Variants in RALYL observed in about 807,000 individuals in gnomAD.
The protein encoded by RALYL is RALY RNA binding protein like.
RALYL carries 29 observed loss-of-function variants against 35.1 expected under a neutral mutation model. The ratio of observed to expected loss-of-function variants is 0.83; its 90% CI spans 0.61 to 1.13. RALYL has a LOEUF of 1.13. Ranked by LOEUF, RALYL falls within the 50% of genes most tolerant of loss-of-function variation. RALYL has a pLI of 0.00. For missense variants in RALYL, 359 were observed against 360.4 expected, an observed-to-expected ratio of 1.00 and a Z score of 0.03; for synonymous variants, 120 against 127.6, an observed-to-expected ratio of 0.94 and a Z score of 0.40.
chr8:84,492,642 A>G (rs2055470971), intron 1 of RALYL, among the ~76,000 whole-genome samples: 1 of 152,112 alleles, frequency 6.6e-6, no homozygotes, highest in Non-Finnish European at 1.5e-5. Context: ...TTTCAAATGC[A>G]ACTATCTCCA....
intron 1 of RALYL, among the ~76,000 whole-genome samples, chr8:84,334,619 A>C (rs2130769748): frequency 6.6e-6 from 1 of 152,064 alleles, no homozygotes; most frequent in Admixed American, 6.6e-5. Context: ...AAGAAGTTTA[A>C]CCTACAGTGT....
At chr8:84,903,886 G>A (rs1291589415) in intron 8 of RALYL, among the ~76,000 whole-genome samples, 1 of 152,104 alleles carries the variant, frequency 6.6e-6, no homozygotes, top group African/African-American at 2.4e-5. Flanking sequence ...AATTAGTCTA[G>A]ATATGTGTTT....
chr8:84,755,949 A>G (rs1446282421), intron 2 of RALYL, among the ~76,000 whole-genome samples: 1 of 152,062 alleles, frequency 6.6e-6, no homozygotes, highest in East Asian at 1.9e-4. Flanking sequence ...TCAAAGACAG[A>G]GTTTTAAATC....
At chr8:84,508,237 A>G (rs1036507259) in intron 1 of RALYL, among the ~76,000 whole-genome samples, 6 of 152,088 alleles carry the variant, frequency 3.9e-5, no homozygotes, top group Non-Finnish European at 8.8e-5. Flanking sequence ...AAACAGGATA[A>G]ACACTCATCC....
Position 84,420,105 on chromosome 8 carries a change from C to A in RALYL, c.-23-109194C>A, listed in dbSNP as rs528196289. Among the ~76,000 whole-genome samples, 8 of 151,668 alleles carry A rather than the reference C, an allele frequency of 5.3e-5. No homozygotes were observed. In the East Asian group the frequency reaches 1.4e-3, roughly 26 times the overall value. ...CAAATGGTATTTGTAGTTCTAGATCCCTGAGGAATCGCCACACTGACTTCC... is the reference window on the plus strand; with the variant it reads ...CAAATGGTATTTGTAGTTCTAGATCACTGAGGAATCGCCACACTGACTTCC... On this transcript the variant is annotated intron_variant, in intron 1 of 8. Transcript: ENST00000521268.
chr8:84,832,295 C>T (rs970007726), intron 4 of RALYL, among the ~76,000 whole-genome samples: 9 of 151,976 alleles, frequency 5.9e-5, no homozygotes, highest in African/African-American at 1.2e-4. Context: ...TTCCAGATTA[C>T]GTTGATAGAT....
At chr8:84,649,330 G>C (rs952420919) in intron 2 of RALYL, among the ~76,000 whole-genome samples, 1 of 151,936 alleles carries the variant, frequency 6.6e-6, no homozygotes, top group Admixed American at 6.6e-5. Context: ...ATTGCTTTTG[G>C]TGTTTTAGAC....
At chr8:84,441,853 C>A (rs532262065) in intron 1 of RALYL, among the ~76,000 whole-genome samples, 1 of 152,154 alleles carries the variant, frequency 6.6e-6, no homozygotes, top group East Asian at 1.9e-4. Flanking sequence ...CATGGCAATT[C>A]ATATCTCAGG....
At chr8:84,423,297 T>A (rs2045908801) in intron 1 of RALYL, among the ~76,000 whole-genome samples, 1 of 151,142 alleles carries the variant, frequency 6.6e-6, no homozygotes, top group Non-Finnish European at 1.5e-5. Flanking sequence ...CCTTTACCAT[T>A]ATGTAATGGC....
intron 1 of RALYL, among the ~76,000 whole-genome samples, chr8:84,439,805 G>C (rs550342370): frequency 6.6e-6 from 1 of 151,738 alleles, no homozygotes; most frequent in Non-Finnish European, 1.5e-5. Flanking sequence ...AAAGGTGTTT[G>C]TAAGTGTGTT....
At chr8:84,414,329 A>G (rs2044403609) in intron 1 of RALYL, among the ~76,000 whole-genome samples, 1 of 152,164 alleles carries the variant, frequency 6.6e-6, no homozygotes, top group African/African-American at 2.4e-5. Flanking sequence ...CATTTCATTA[A>G]TGTGCATTTT....
chr8:84,310,070 A>G (rs1341426428), intron 1 of RALYL, among the ~76,000 whole-genome samples: 2 of 150,858 alleles, frequency 1.3e-5, no homozygotes, highest in Non-Finnish European at 3.0e-5. Flanking sequence ...TTTTCTTGAG[A>G]CAGAGTCTCG....
chr8:84,613,183 C>A (rs369631514), intron 2 of RALYL, among the ~76,000 whole-genome samples: 2 of 151,712 alleles, frequency 1.3e-5, no homozygotes, highest in East Asian at 3.9e-4. Context: ...TATAGAATTA[C>A]AGTCTGAGAC....
chr8:84,629,608 T>G (rs550718054), intron 2 of RALYL, among the ~76,000 whole-genome samples: 659 of 152,100 alleles, frequency 4.3e-3, no homozygotes, highest in African/African-American at 0.015. Context: ...GTTACATATA[T>G]TGCTCAGGGT....
At chr8:84,783,124 G>A (rs1282510634) in intron 3 of RALYL, among the ~76,000 whole-genome samples, 1 of 85,770 alleles carries the variant, frequency 1.2e-5, no homozygotes, top group East Asian at 2.4e-4. Context: ...CCATATTACT[G>A]TATGGAGGGT....
At chr8:84,381,113 G>A (rs1337415198) in intron 1 of RALYL, among the ~76,000 whole-genome samples, 1 of 151,852 alleles carries the variant, frequency 6.6e-6, no homozygotes, top group Non-Finnish European at 1.5e-5. Flanking sequence ...TCAGTGACCA[G>A]GTAGTAAAGG....
At chr8:84,851,822 TC>T (rs1282234960) in intron 5 of RALYL, among the ~76,000 whole-genome samples, 1 of 152,210 alleles carries the variant, frequency 6.6e-6, no homozygotes, top group African/African-American at 2.4e-5. Context: ...TAAATTAGGT[TC>T]CTCTGTTCCT....
chr8:84,549,683 G>A (rs549333139), intron 2 of RALYL, among the ~76,000 whole-genome samples: 2 of 152,236 alleles, frequency 1.3e-5, no homozygotes, highest in South Asian at 2.1e-4. Flanking sequence ...ATGGCAGGCC[G>A]GGGAGCCTGA....
chr8:84,676,414 C>A (rs1424108507), intron 2 of RALYL, among the ~76,000 whole-genome samples: 2 of 151,870 alleles, frequency 1.3e-5, no homozygotes, highest in Non-Finnish European at 2.9e-5. Flanking sequence ...CCCCTTTTTT[C>A]CTATAGATAG....
Sources: allele counts gnomAD v4.1 joint callset (sites outside exome capture counted in the v4.1 genomes callset), GRCh38; gene constraint gnomAD v4.1.1; transcripts MANE v1.5; gene names NCBI Gene and HGNC (gene_info 2026-07-23, HGNC 2026-07-21).